KCNIP1: variants seen among roughly 807,000 people sequenced by gnomAD.
The protein encoded by KCNIP1 is potassium voltage-gated channel interacting protein 1.
In KCNIP1, 18 loss-of-function variants were observed where a neutral mutation model predicts 33.0. The observed-to-expected ratio is 0.55, with a 90% CI of 0.38 to 0.81. The LOEUF (loss-of-function observed/expected upper bound fraction) is 0.81. Ranked by LOEUF, KCNIP1 falls within the 30% of genes least tolerant of loss-of-function variation. The probability of loss-of-function intolerance (pLI) is 0.00; values close to 1 mark genes in which losing one functional copy is unlikely to be tolerated. For missense variants in KCNIP1, 238 were observed against 271.6 expected (o/e 0.88, Z 0.87); for synonymous variants, 93 against 98.3 (o/e 0.95, Z 0.32).
At chr5:170,588,169 T>C (rs1581364940) in intron 1 of KCNIP1, among the ~76,000 whole-genome samples, 1 of 152,242 alleles carries the variant, frequency 6.6e-6, no homozygotes, top group East Asian at 1.9e-4. Flanking sequence ...AAGAAAGCAA[T>C]CATAGACTGA....
chr5:170,423,648 C>G (rs1755546438), intron 1 of KCNIP1, among the ~76,000 whole-genome samples: 1 of 152,188 alleles, frequency 6.6e-6, no homozygotes, highest in African/African-American at 2.4e-5. Flanking sequence ...CTACCTGCAG[C>G]TCACAGCATA....
chr5:170,383,628 A>G, intron 1 of KCNIP1: 1 of 1,598,714 alleles, frequency 6.3e-7, no homozygotes, highest in Middle Eastern at 1.7e-4. Flanking sequence ...GAACAGGCTC[A>G]CACACCTGAC....
intron 1 of KCNIP1, among the ~76,000 whole-genome samples, chr5:170,424,314 G>A (rs1755566043): frequency 1.3e-5 from 2 of 152,302 alleles, no homozygotes; most frequent in South Asian, 4.1e-4. Context: ...CTTCCCACAA[G>A]GAGGCATTAC....
intron 1 of KCNIP1, among the ~76,000 whole-genome samples, chr5:170,603,102 G>A (rs1204310281): frequency 1.3e-5 from 2 of 152,098 alleles, no homozygotes; most frequent in African/African-American, 2.4e-5. Context: ...TCCCACCCAG[G>A]GATCCCACCC....
At chr5:170,647,113 G>A (rs1001982369) in intron 1 of KCNIP1, among the ~76,000 whole-genome samples, 1 of 152,122 alleles carries the variant, frequency 6.6e-6, no homozygotes, top group Non-Finnish European at 1.5e-5. Context: ...TCGAAGAAGA[G>A]CCAAATAAAT....
chr5:170,636,782 G>C (rs981526388), intron 1 of KCNIP1, among the ~76,000 whole-genome samples: 2 of 152,198 alleles, frequency 1.3e-5, no homozygotes, highest in African/African-American at 4.8e-5. Context: ...AGCACCTCCT[G>C]TAAATATCTC....
rs1758318499 is a variant in KCNIP1, at chr5:170,593,022, T to C, written c.61+88389T>C. 2.0e-5 allele frequency among the ~76,000 whole-genome samples: 3 copies of C among 152,138 alleles called. No homozygotes were observed. The South Asian group carries it at 6.2e-4, about 31-fold the overall frequency. ...GACTATGGATATGCTTCTATATGTG[T>C]AGATTATTTCCAGACTCATTCGGAA... On this transcript the variant is annotated intron_variant, in intron 1 of 7. Transcript: ENST00000328939.
At chr5:170,588,372 C>T (rs908646354) in intron 1 of KCNIP1, among the ~76,000 whole-genome samples, 5 of 152,210 alleles carry the variant, frequency 3.3e-5, no homozygotes, top group Non-Finnish European at 4.4e-5. Flanking sequence ...TCTTTATCTC[C>T]ACCCCACACA....
At chr5:170,407,110 G>A (rs1206210463) in intron 1 of KCNIP1, among the ~76,000 whole-genome samples, 1 of 152,230 alleles carries the variant, frequency 6.6e-6, no homozygotes, top group Non-Finnish European at 1.5e-5. Context: ...AACAGCCTAG[G>A]GTCTGTGGTG....
At chr5:170,570,126 G>A (rs1465066969) in intron 1 of KCNIP1, among the ~76,000 whole-genome samples, 1 of 152,070 alleles carries the variant, frequency 6.6e-6, no homozygotes, top group African/African-American at 2.4e-5. Context: ...CCCAGTAACT[G>A]GCTGAGTGAT....
At chr5:170,477,085 T>C (rs78127608) in intron 1 of KCNIP1, among the ~76,000 whole-genome samples, 1,777 of 152,282 alleles carry the variant, frequency 0.012, 44 homozygotes, top group African/African-American at 0.039. Flanking sequence ...CTCTGTACTT[T>C]CTGCTCAATT....
intron 1 of KCNIP1, among the ~76,000 whole-genome samples, chr5:170,411,075 G>A (rs1180405048): frequency 6.6e-6 from 1 of 152,236 alleles, no homozygotes; most frequent in African/African-American, 2.4e-5. Flanking sequence ...TGGAGGTTTA[G>A]AGGGAAACAG....
At chr5:170,585,613 C>T (rs1052934066) in intron 1 of KCNIP1, among the ~76,000 whole-genome samples, 8 of 152,314 alleles carry the variant, frequency 5.3e-5, no homozygotes, top group Middle Eastern at 3.4e-3. Context: ...TCTCACCCCC[C>T]GCCCCGGAAA....
chr5:170,559,615 T>C (rs931506509), intron 1 of KCNIP1, among the ~76,000 whole-genome samples: 1 of 152,216 alleles, frequency 6.6e-6, no homozygotes, highest in Non-Finnish European at 1.5e-5. Context: ...TTTGGGGTAT[T>C]GTGTGCTGTG....
At chr5:170,380,357 A>T (rs1415452437) in intron 1 of KCNIP1, among the ~76,000 whole-genome samples, 2 of 152,198 alleles carry the variant, frequency 1.3e-5, no homozygotes, top group African/African-American at 4.8e-5. Flanking sequence ...TGATTCCTTC[A>T]TGCACTTAAT....
chr5:170,379,529 G>T (rs1245184651), intron 1 of KCNIP1, among the ~76,000 whole-genome samples: 2 of 152,164 alleles, frequency 1.3e-5, no homozygotes, highest in Non-Finnish European at 2.9e-5. Flanking sequence ...GTGCCAGGAA[G>T]AATTGCCAGG....
intron 1 of KCNIP1, among the ~76,000 whole-genome samples, chr5:170,485,039 C>T (rs1047590564): frequency 6.8e-6 from 1 of 146,278 alleles, no homozygotes; most frequent in Non-Finnish European, 1.5e-5. Flanking sequence ...CTCCTAGTTT[C>T]AAGCAATTCT....
chr5:170,654,832 TA>T (rs1264709566), intron 1 of KCNIP1, among the ~76,000 whole-genome samples: 2 of 152,236 alleles, frequency 1.3e-5, no homozygotes, highest in Non-Finnish European at 2.9e-5. Context: ...AGATTTTCTT[TA>T]TGGTTTTTGG....
At chr5:170,611,839 G>A (rs57094127) in intron 1 of KCNIP1, among the ~76,000 whole-genome samples, 1,725 of 152,306 alleles carry the variant, frequency 0.011, 30 homozygotes, top group African/African-American at 0.037. Context: ...AGGGAGAATC[G>A]CTACTGAATG....
Sources: allele counts gnomAD v4.1 joint callset (sites outside exome capture counted in the v4.1 genomes callset), GRCh38; gene constraint gnomAD v4.1.1; transcripts MANE v1.5; gene names NCBI Gene and HGNC (gene_info 2026-07-23, HGNC 2026-07-21).